Variants in NEBL observed in about 807,000 individuals in gnomAD.
NEBL encodes nebulette, also known as LIM and SH3 protein 2.
A neutral mutation model predicts 140.2 loss-of-function variants in NEBL; 122 were observed. That is an observed-to-expected ratio of 0.87 (90% CI 0.75 to 1.01). NEBL has a LOEUF of 1.01. Among genes scored for constraint, NEBL ranks in the 50% least tolerant of loss-of-function variants. The pLI is 0.00. For synonymous variants in NEBL, 436 were observed against 398.9 expected (o/e 1.09, Z -1.11); for missense variants, 1,365 against 1,231.3 (o/e 1.11, Z -1.62).
intron 3 of NEBL, among the ~76,000 whole-genome samples, chr10:21,180,743 T>C (rs1180981040): frequency 2.6e-5 from 4 of 152,104 alleles, no homozygotes; most frequent in African/African-American, 9.7e-5. Flanking sequence ...AGCTCTTGAA[T>C]CATCCCCACA....
At chr10:21,105,028 A>G (rs1365883390) in intron 2 of NEBL, among the ~76,000 whole-genome samples, 1 of 152,282 alleles carries the variant, frequency 6.6e-6, no homozygotes, top group African/African-American at 2.4e-5. Context: ...ACATTGATTG[A>G]TCTTTTTTAA....
chr10:21,083,851 G>C (rs1836497366), intron 2 of NEBL, among the ~76,000 whole-genome samples: 1 of 152,114 alleles, frequency 6.6e-6, no homozygotes, highest in Non-Finnish European at 1.5e-5. Flanking sequence ...GCAAAGGCAA[G>C]TTGGGAAGGA....
intron 26 of NEBL, among the ~76,000 whole-genome samples, chr10:20,799,695 T>A (rs1430652112): frequency 6.6e-6 from 1 of 152,148 alleles, no homozygotes; most frequent in Non-Finnish European, 1.5e-5. Flanking sequence ...TGGGGAGTGA[T>A]CTTGAAGGGT....
At chr10:21,227,200 G>A (rs190989617) in intron 3 of NEBL, among the ~76,000 whole-genome samples, 168 of 152,008 alleles carry the variant, frequency 1.1e-3, no homozygotes, top group Non-Finnish European at 1.9e-3. Context: ...TGTTGATCTC[G>A]TTGCATCTTC....
At chr10:20,925,566 GCCTGACTTA>G (rs1168917509) in intron 4 of NEBL, among the ~76,000 whole-genome samples, 2 of 152,070 alleles carry the variant, frequency 1.3e-5, no homozygotes, top group Admixed American at 1.3e-4. Context: ...AGAGTGGCTG[GCCTGACTTA>G]CCTTATTCTG....
At chr10:20,876,197 AAAG>A (rs1188575767) in intron 5 of NEBL, among the ~76,000 whole-genome samples, 1 of 152,232 alleles carries the variant, frequency 6.6e-6, no homozygotes, top group Non-Finnish European at 1.5e-5. Context: ...CAGTCTTCCA[AAAG>A]AAGGAGTAAA....
chr10:20,860,144 C>G (rs975458246), intron 7 of NEBL, among the ~76,000 whole-genome samples: 1 of 151,986 alleles, frequency 6.6e-6, no homozygotes, highest in African/African-American at 2.4e-5. Context: ...AGTTAGAAAC[C>G]TAGACCACAA....
chr10:21,166,637 C>T (rs1019570334), intron 2 of NEBL, among the ~76,000 whole-genome samples: 1 of 152,176 alleles, frequency 6.6e-6, no homozygotes, highest in Non-Finnish European at 1.5e-5. Context: ...TGTTACTTCT[C>T]ATACAGCCCT....
At chr10:21,233,886 GATATATATTACATATATATGC>G (rs1588544975) in intron 3 of NEBL, among the ~76,000 whole-genome samples, 1 of 127,952 alleles carries the variant, frequency 7.8e-6, no homozygotes, top group East Asian at 2.2e-4. Flanking sequence ...TGCATATATA[GATATATATTACATATATATGC>G]ATATATATGG....
intron 4 of NEBL, among the ~76,000 whole-genome samples, chr10:20,907,051 G>A (rs1848122912): frequency 6.6e-6 from 1 of 152,136 alleles, no homozygotes; most frequent in Non-Finnish European, 1.5e-5. Flanking sequence ...GATGTAGATA[G>A]TGGTGACCAT....
chr10:21,186,162 GT>G (rs1297334820), intron 3 of NEBL, among the ~76,000 whole-genome samples: 1 of 151,990 alleles, frequency 6.6e-6, no homozygotes, highest in Non-Finnish European at 1.5e-5. Context: ...TAAAAAATGT[GT>G]TTTTATGCAT....
intron 5 of NEBL, among the ~76,000 whole-genome samples, chr10:20,871,112 ATCT>A (rs1454568687): frequency 2.0e-5 from 3 of 152,202 alleles, no homozygotes; most frequent in Admixed American, 6.5e-5. Context: ...CTTAAAACCC[ATCT>A]TCCTTTTTTC....
intron 3 of NEBL, among the ~76,000 whole-genome samples, chr10:20,962,565 C>T (rs1443145695): frequency 1.3e-5 from 2 of 152,172 alleles, no homozygotes; most frequent in Non-Finnish European, 2.9e-5. Flanking sequence ...AGGACTGGAA[C>T]AGCTAATGCT....
At position 20,819,365 on chromosome 10, in the gene NEBL, T is replaced by G. The variant is rs1839048305; in HGVS notation, c.2055+59A>C. 2.5e-6 allele frequency: 4 copies of G among 1,611,822 alleles called. No homozygotes were observed. The Admixed American group carries it at 6.7e-5, about 27-fold the overall frequency. ...GGATAATGGCCTTCCAAAGGGCATATTTTTAAATAAAAATATGTTATGTTT... is the reference window on the plus strand; with the variant it reads ...GGATAATGGCCTTCCAAAGGGCATAGTTTTAAATAAAAATATGTTATGTTT... On this transcript the variant is annotated intron_variant, in intron 20 of 27. Coordinates refer to ENST00000377122, the MANE Select transcript of NEBL (RefSeq NM_006393.3).
chr10:21,008,847 C>A (rs1455210898), intron 3 of NEBL, among the ~76,000 whole-genome samples: 4 of 151,808 alleles, frequency 2.6e-5, no homozygotes, highest in Non-Finnish European at 5.9e-5. Flanking sequence ...ATATTCCCTG[C>A]AAATAAGGGG....
chr10:21,042,850 G>A (rs1171520754), intron 2 of NEBL, among the ~76,000 whole-genome samples: 1 of 152,174 alleles, frequency 6.6e-6, no homozygotes, highest in African/African-American at 2.4e-5. Context: ...AAAAACAAAT[G>A]GCTTTCACAG....
At chr10:20,873,798 T>C (rs1185034368) in intron 5 of NEBL, among the ~76,000 whole-genome samples, 1 of 152,186 alleles carries the variant, frequency 6.6e-6, no homozygotes, top group Non-Finnish European at 1.5e-5. Context: ...TTAATGAGCA[T>C]TGCACTGAAT....
intron 4 of NEBL, among the ~76,000 whole-genome samples, chr10:20,961,187 G>C (rs1056863551): frequency 1.3e-5 from 2 of 151,982 alleles, no homozygotes; most frequent in African/African-American, 4.8e-5. Flanking sequence ...TAATAAACAA[G>C]GCACAGCTTC....
chr10:20,871,300 G>C (rs1844910096), intron 5 of NEBL, among the ~76,000 whole-genome samples: 1 of 152,124 alleles, frequency 6.6e-6, no homozygotes. Context: ...CTCTGTAACA[G>C]AATTTTGACA....
Sources: allele counts gnomAD v4.1 joint callset (sites outside exome capture counted in the v4.1 genomes callset), GRCh38; gene constraint gnomAD v4.1.1; transcripts MANE v1.5; gene names NCBI Gene and HGNC (gene_info 2026-07-23, HGNC 2026-07-21).